NUMB: variants seen among roughly 807,000 people sequenced by gnomAD.
The protein encoded by NUMB is protein numb homolog.
A neutral mutation model predicts 59.7 loss-of-function variants in NUMB; 29 were observed. The observed-to-expected ratio is 0.49, with a 90% confidence interval of 0.36 to 0.66. NUMB has a LOEUF of 0.66. NUMB is among the 30% of genes least tolerant of loss of function. The pLI is 0.00. For missense variants in NUMB, 723 were observed against 822.0 expected, an observed-to-expected ratio of 0.88 and a Z score of 1.47; for synonymous variants, 288 against 288.2, an observed-to-expected ratio of 1.00 and a Z score of 0.01.
intron 4 of NUMB, among the ~76,000 whole-genome samples, chr14:73,333,124 G>A (rs1349352685): frequency 1.3e-5 from 2 of 152,180 alleles, no homozygotes; most frequent in Non-Finnish European, 2.9e-5. Context: ...GGGTCATATG[G>A]TAATTCTATA....
At chr14:73,359,135 C>G (rs1028357616) in intron 3 of NUMB, among the ~76,000 whole-genome samples, 1 of 152,166 alleles carries the variant, frequency 6.6e-6, no homozygotes, top group African/African-American at 2.4e-5. Context: ...TTGTCACTTT[C>G]TTTTTTAAAA....
At chr14:73,291,062 A>G (rs1168158344) in intron 8 of NUMB, among the ~76,000 whole-genome samples, 2 of 150,692 alleles carry the variant, frequency 1.3e-5, no homozygotes, top group African/African-American at 2.5e-5. Flanking sequence ...GTAACTTAGT[A>G]TTTCTGTTTA....
chr14:73,452,848 C>T (rs552610592), intron 1 of NUMB, among the ~76,000 whole-genome samples: 38 of 152,312 alleles, frequency 2.5e-4, no homozygotes, highest in Non-Finnish European at 3.8e-4. Flanking sequence ...TTCTGACATG[C>T]TTTCTTGAGG....
chr14:73,326,353 G>A (rs1451950857), intron 4 of NUMB, among the ~76,000 whole-genome samples: 1 of 152,040 alleles, frequency 6.6e-6, no homozygotes, highest in African/African-American at 2.4e-5. Context: ...ATGGCCGGTC[G>A]CGGTGGGTCA....
intron 1 of NUMB, among the ~76,000 whole-genome samples, chr14:73,416,332 C>CTTTT (rs3028740): frequency 7.1e-6 from 1 of 141,312 alleles, no homozygotes; most frequent in South Asian, 2.2e-4. Flanking sequence ...TTTTTCTTTT[C>CTTTT]TTTTTTTTTT....
intron 1 of NUMB, among the ~76,000 whole-genome samples, chr14:73,419,221 C>G (rs531678938): frequency 1.6e-4 from 24 of 152,144 alleles, no homozygotes; most frequent in African/African-American, 5.5e-4. Context: ...GAATGAAAAT[C>G]TCAAGAGGGC....
At chr14:73,417,795 T>G (rs940516463) in intron 1 of NUMB, among the ~76,000 whole-genome samples, 1 of 152,134 alleles carries the variant, frequency 6.6e-6, no homozygotes, top group Non-Finnish European at 1.5e-5. Flanking sequence ...TGTCCACCGA[T>G]GGATGAATGG....
intron 1 of NUMB, among the ~76,000 whole-genome samples, chr14:73,446,630 A>T (rs983785110): frequency 1.3e-5 from 2 of 151,580 alleles, no homozygotes; most frequent in Non-Finnish European, 2.9e-5. Flanking sequence ...AATCCTTAAC[A>T]TGACAAAATG....
intron 1 of NUMB, among the ~76,000 whole-genome samples, chr14:73,436,576 C>G (rs1259499579): frequency 2.6e-5 from 4 of 152,040 alleles, no homozygotes; most frequent in African/African-American, 9.7e-5. Context: ...CCTTGGGCTC[C>G]CAAAGTGTTG....
chr14:73,448,032 A>G (rs1465889006), intron 1 of NUMB, among the ~76,000 whole-genome samples: 1 of 152,136 alleles, frequency 6.6e-6, no homozygotes, highest in Non-Finnish European at 1.5e-5. Context: ...TCTGAGCTCA[A>G]GTGATTCGCC....
At chr14:73,344,054 GT>G (rs1160352845) in intron 4 of NUMB, among the ~76,000 whole-genome samples, 1 of 152,006 alleles carries the variant, frequency 6.6e-6, no homozygotes, top group Non-Finnish European at 1.5e-5. Flanking sequence ...TTTTCAATTT[GT>G]TTTAGAATCA....
chr14:73,350,074 T>TACACACACACACACACACACACACAC (rs1172254479), intron 4 of NUMB, among the ~76,000 whole-genome samples: 49 of 131,128 alleles, frequency 3.7e-4, no homozygotes, highest in African/African-American at 1.3e-3. Flanking sequence ...CATACATACA[T>TACACACACACACACACACACACACAC]ACATACACAC....
chr14:73,313,563 G>T (rs1890896638), intron 6 of NUMB, among the ~76,000 whole-genome samples: 2 of 148,890 alleles, frequency 1.3e-5, no homozygotes, highest in South Asian at 4.2e-4. Context: ...ATTATCTTCA[G>T]GCTATATGTA....
At chr14:73,349,881 G>A (rs1566754274) in intron 4 of NUMB, among the ~76,000 whole-genome samples, 1 of 148,512 alleles carries the variant, frequency 6.7e-6, no homozygotes, top group South Asian at 2.1e-4. Flanking sequence ...TCCGTCTCAA[G>A]AAAAAAAACA....
At chr14:73,428,427 G>GT (rs1336633222) in intron 1 of NUMB, among the ~76,000 whole-genome samples, 1 of 152,158 alleles carries the variant, frequency 6.6e-6, no homozygotes, top group African/African-American at 2.4e-5. Flanking sequence ...TTTACACAGT[G>GT]TTTTCAACAC....
In NUMB at chr14:73,396,846, G is replaced by C. The variant is rs538674430; in HGVS notation, c.-101+13091C>G. Among the ~76,000 whole-genome samples, 8 of 152,228 alleles carry C rather than the reference G, an allele frequency of 5.3e-5. No homozygotes were observed. The South Asian group carries it at 1.7e-3, about 32-fold the overall frequency. ...GTTTGTAAAACCATAGATAGCAGCTGGCGCAGTGGCTCATGCCTGTAATCC... is the reference window on the plus strand; with the variant it reads ...GTTTGTAAAACCATAGATAGCAGCTCGCGCAGTGGCTCATGCCTGTAATCC... On this transcript the variant is annotated intron_variant, in intron 2 of 12. Transcript: ENST00000555238.
intron 2 of NUMB, among the ~76,000 whole-genome samples, chr14:73,372,646 C>T (rs1432206773): frequency 6.6e-6 from 1 of 151,628 alleles, no homozygotes; most frequent in Non-Finnish European, 1.5e-5. Flanking sequence ...CTCCCATTAT[C>T]CTCAATACAC....
chr14:73,414,648 A>G (rs955115525), intron 1 of NUMB, among the ~76,000 whole-genome samples: 19 of 151,850 alleles, frequency 1.3e-4, no homozygotes, highest in African/African-American at 3.4e-4. Flanking sequence ...CAGCCTCCCA[A>G]TTTGCTGGGA....
At chr14:73,282,261 G>T in intron 11 of NUMB, 98 bp downstream of exon 11, 1 of 1,186,270 alleles carries the variant, frequency 8.4e-7, no homozygotes, top group Non-Finnish European at 1.2e-6. Flanking sequence ...GTCTGACCAG[G>T]CCTTGGGAAG....
Sources: allele counts gnomAD v4.1 joint callset (sites outside exome capture counted in the v4.1 genomes callset), GRCh38; gene constraint gnomAD v4.1.1; transcripts MANE v1.5; gene names NCBI Gene and HGNC (gene_info 2026-07-23, HGNC 2026-07-21).